The following ELL variants were observed in gnomAD, a reference collection of about 807,000 sequenced individuals.
The protein encoded by ELL is RNA polymerase II elongation factor ELL.
ELL carries 18 observed loss-of-function variants against 64.0 expected under a neutral mutation model. That is an observed-to-expected ratio of 0.28 (90% CI 0.19 to 0.42). ELL has a LOEUF of 0.42. ELL is among the 10% of genes least tolerant of loss of function. The pLI is 1.00. For synonymous variants in ELL, 399 were observed against 376.2 expected (o/e 1.06, Z -0.70); for missense variants, 797 against 870.4 (o/e 0.92, Z 1.06).
chr19:18,461,935 T>C, intron 4 of ELL, 83 bp from the exon 5 acceptor site: 3 of 1,523,332 alleles, frequency 2.0e-6, no homozygotes, highest in Non-Finnish European at 2.7e-6. Context: ...TGCCCAGAGG[T>C]TTGAGACTAT....
At chr19:18,473,240 C>T in intron 1 of ELL, 1 of 554,060 alleles carries the variant, frequency 1.8e-6, no homozygotes, top group Non-Finnish European at 3.4e-6. Flanking sequence ...AAGGGCAAGG[C>T]TCAAGGTGCT....
intron 1 of ELL, among the ~76,000 whole-genome samples, chr19:18,511,475 T>C (rs891123943): frequency 5.3e-5 from 8 of 152,152 alleles, no homozygotes; most frequent in Admixed American, 5.2e-4. Context: ...AACAGATACT[T>C]ACATGCCCTG....
At chr19:18,455,528 C>A (rs1435541592) in intron 6 of ELL, among the ~76,000 whole-genome samples, 1 of 149,478 alleles carries the variant, frequency 6.7e-6, no homozygotes, top group Admixed American at 6.7e-5. Context: ...CCTACGAAAA[C>A]GCAATGGGGA....
At chr19:18,497,336 T>C (rs896468587) in intron 1 of ELL, among the ~76,000 whole-genome samples, 1 of 152,122 alleles carries the variant, frequency 6.6e-6, no homozygotes, top group Non-Finnish European at 1.5e-5. Flanking sequence ...ATGGAGACAG[T>C]AAGAGCATCG....
intron 1 of ELL, among the ~76,000 whole-genome samples, chr19:18,519,660 A>T (rs901637326): frequency 6.6e-6 from 1 of 152,108 alleles, no homozygotes; most frequent in Non-Finnish European, 1.5e-5. Context: ...TACAAAAATT[A>T]GCCGGGTGTG....
At chr19:18,485,939 T>C (rs1975404060) in intron 1 of ELL, among the ~76,000 whole-genome samples, 3 of 147,138 alleles carry the variant, frequency 2.0e-5, no homozygotes, top group South Asian at 4.3e-4. Flanking sequence ...TGAGCCAAGA[T>C]CACACCACTG....
At chr19:18,512,158 A>G (rs963359948) in intron 1 of ELL, among the ~76,000 whole-genome samples, 2 of 151,206 alleles carry the variant, frequency 1.3e-5, no homozygotes, top group African/African-American at 4.9e-5. Context: ...CCGTCTCAAA[A>G]AAAAAAAAGA....
chr19:18,494,358 T>G (rs566098477), intron 1 of ELL, among the ~76,000 whole-genome samples: 1 of 151,610 alleles, frequency 6.6e-6, no homozygotes, highest in South Asian at 2.1e-4. Context: ...CCAGCCCACG[T>G]AGGAAGGAAA....
intron 1 of ELL, among the ~76,000 whole-genome samples, chr19:18,481,218 C>G (rs963176385): frequency 1.3e-5 from 2 of 152,176 alleles, no homozygotes; most frequent in African/African-American, 4.8e-5. Context: ...AAAGTCTTAT[C>G]AATGGAATCA....
intron 5 of ELL, 67 bp downstream of exon 5, chr19:18,461,511 C>T: frequency 3.2e-6 from 5 of 1,539,936 alleles, no homozygotes; most frequent in Non-Finnish European, 1.7e-6. Flanking sequence ...TGCTCTGGCC[C>T]ATCCCACCCG....
intron 6 of ELL, among the ~76,000 whole-genome samples, chr19:18,453,821 A>AG (rs1974593251): frequency 1.3e-5 from 2 of 152,164 alleles, no homozygotes; most frequent in South Asian, 4.1e-4. Flanking sequence ...CTCCCACCTA[A>AG]GCCTCCCAAA....
At chr19:18,473,438 G>A (rs1025599900) in intron 1 of ELL, among the ~76,000 whole-genome samples, 5 of 152,240 alleles carry the variant, frequency 3.3e-5, no homozygotes, top group Non-Finnish European at 7.3e-5. Flanking sequence ...GGTGAGCACT[G>A]TCTATCAGAG....
At chr19:18,445,392 C>A (rs891297147) in intron 10 of ELL, 124 bp from the exon 11 acceptor site, 47 of 995,998 alleles carry the variant, frequency 4.7e-5, no homozygotes, top group Admixed American at 8.7e-5. Context: ...AAGGACAAGG[C>A]CAAGTAACAC....
intron 1 of ELL, among the ~76,000 whole-genome samples, chr19:18,493,650 C>T (rs891889771): frequency 2.6e-5 from 4 of 152,226 alleles, no homozygotes; most frequent in East Asian, 1.9e-4. Flanking sequence ...GGAAGGGAGG[C>T]GTGTGTCCAG....
rs540469951 is a variant in ELL at position 18,488,714 on chromosome 19, C to T, written c.136-15832G>A. 3.8e-4 allele frequency among the ~76,000 whole-genome samples: 58 copies of T among 152,194 alleles called. 1 individual carries two copies. In the South Asian group the frequency reaches 0.012, roughly 30 times the overall value. ...CAGGGACCTTCTATGGACAGGGCTG[C>T]GCATCTTGGGGGCCAACTTTAAGCA... is the stretch of plus-strand genomic sequence containing the variant. On this transcript the variant is annotated intron_variant, in intron 1 of 11. Coordinates refer to ENST00000262809, the MANE Select transcript of ELL (RefSeq NM_006532.4).
At chr19:18,471,494 C>G in intron 2 of ELL, 1 of 264,352 alleles carries the variant, frequency 3.8e-6, no homozygotes, top group Non-Finnish European at 7.7e-6. Flanking sequence ...ATGGTGAAAC[C>G]CTATCTCTAC....
intron 1 of ELL, among the ~76,000 whole-genome samples, chr19:18,497,267 T>C (rs979927215): frequency 6.6e-6 from 1 of 152,170 alleles, no homozygotes; most frequent in Non-Finnish European, 1.5e-5. Flanking sequence ...TCAGCCAGTC[T>C]AGAAAGGCTG....
intron 1 of ELL, among the ~76,000 whole-genome samples, chr19:18,494,829 G>A (rs1045800910): frequency 6.6e-6 from 1 of 152,174 alleles, no homozygotes; most frequent in African/African-American, 2.4e-5. Context: ...GAGCTTGGGA[G>A]GCCCCACCCG....
In ELL at chr19:18,461,806, C is replaced by G. The variant is rs35328461; in HGVS notation, c.516G>C (p.Ala172=). The change falls in exon 5 of 12, where the codon GCG becomes GCC. Residue 172 remains alanine (A), a synonymous_variant. Coordinates refer to ENST00000262809, the MANE Select transcript of ELL (RefSeq NM_006532.4). ...GGGTTGCCCGCTTCCGGGAGGGCAC[C>G]GCGTCTGTTGCACCTGGGGCTGGTT... ...FRKPAPGATD[A]VPSRKRATPI... 6.2e-7 allele frequency: 1 copy of G among 1,614,058 alleles called. No homozygotes were observed. Among genetic ancestry groups the G allele is most frequent in the Non-Finnish European group, 8.5e-7 (1 of 1,179,950 alleles).
Sources: allele counts gnomAD v4.1 joint callset (sites outside exome capture counted in the v4.1 genomes callset), GRCh38; gene constraint gnomAD v4.1.1; transcripts MANE v1.5; gene names NCBI Gene and HGNC (gene_info 2026-07-23, HGNC 2026-07-21).